The following UNC5B variants were observed in gnomAD, a reference collection of about 807,000 sequenced individuals.
UNC5B encodes the protein unc-5 netrin receptor B, also known as netrin receptor UNC5B.
In UNC5B, 56 loss-of-function variants were observed where a neutral mutation model predicts 103.7. The ratio of observed to expected loss-of-function variants is 0.54; its 90% CI spans 0.44 to 0.67. The LOEUF (loss-of-function observed/expected upper bound fraction) is 0.67. UNC5B is among the 30% of genes least tolerant of loss of function. UNC5B has a pLI of 0.00. For missense variants in UNC5B, 1,194 were observed against 1,284.5 expected (o/e 0.93, Z 1.08); for synonymous variants, 577 against 542.0 (o/e 1.06, Z -0.90).
At chr10:71,225,272 G>T (rs1843539328) in intron 1 of UNC5B, among the ~76,000 whole-genome samples, 1 of 152,220 alleles carries the variant, frequency 6.6e-6, no homozygotes, top group Non-Finnish European at 1.5e-5. Context: ...AACCCACGGG[G>T]GTCGCTGATC....
At chr10:71,262,324 G>A (rs955870056) in intron 1 of UNC5B, among the ~76,000 whole-genome samples, 3 of 151,906 alleles carry the variant, frequency 2.0e-5, no homozygotes, top group African/African-American at 7.3e-5. Context: ...TGGGTTGGGG[G>A]AGGGAGACCA....
intron 2 of UNC5B, among the ~76,000 whole-genome samples, chr10:71,281,252 A>G (rs1306759411): frequency 6.6e-6 from 1 of 152,246 alleles, no homozygotes; most frequent in Non-Finnish European, 1.5e-5. Context: ...TAAGTTTTAT[A>G]GAATGTGTAT....
intron 1 of UNC5B, among the ~76,000 whole-genome samples, chr10:71,249,426 G>A (rs1015188085): frequency 1.3e-5 from 2 of 152,222 alleles, no homozygotes; most frequent in Admixed American, 6.5e-5. Context: ...CAGGGGGTGG[G>A]GACAAAAGTG....
chr10:71,247,341 A>C (rs889855466), intron 1 of UNC5B, among the ~76,000 whole-genome samples: 7 of 152,188 alleles, frequency 4.6e-5, no homozygotes, highest in African/African-American at 1.7e-4. Flanking sequence ...TGCCATTGGC[A>C]CTGGGTGTAC....
At chr10:71,237,844 C>G (rs911564167) in intron 1 of UNC5B, among the ~76,000 whole-genome samples, 1 of 152,196 alleles carries the variant, frequency 6.6e-6, no homozygotes, top group Admixed American at 6.5e-5. Context: ...AAAACCTCAG[C>G]CAGTCCATTT....
intron 2 of UNC5B, among the ~76,000 whole-genome samples, chr10:71,280,575 A>G (rs953235892): frequency 6.6e-6 from 1 of 152,226 alleles, no homozygotes; most frequent in African/African-American, 2.4e-5. Flanking sequence ...ATGTAGACCA[A>G]ATCTGGAGGG....
At chr10:71,295,471 T>C (rs564743558) in intron 13 of UNC5B, among the ~76,000 whole-genome samples, 5 of 152,338 alleles carry the variant, frequency 3.3e-5, no homozygotes, top group African/African-American at 1.2e-4. Context: ...TTATCTTTTC[T>C]TCCATCTTTC....
In UNC5B at chr10:71,287,884, G is replaced by A. The variant is rs796900401; in HGVS notation, c.901+119G>A. On this transcript the variant is annotated intron_variant, in intron 6 of 16. Coordinates refer to ENST00000335350, the MANE Select transcript of UNC5B (RefSeq NM_170744.5). The stretch of plus-strand genomic sequence containing the variant: ...ATGGGGAGCAGAAGGTGCTTGTCCC[G>A]AGCCCACAGCCGGCTGCCCAGGCTG... 18 of 1,374,238 alleles carry A rather than the reference G, an allele frequency of 1.3e-5. 1 individual carries two copies. Among genetic ancestry groups the A allele is most frequent in the Middle Eastern group, 1.9e-4 (1 of 5,338 alleles). 85.1% of individuals were successfully genotyped at this position (1,374,238 alleles called of 1,614,324 possible).
chr10:71,253,345 C>T (rs982889074), intron 1 of UNC5B, among the ~76,000 whole-genome samples: 13 of 152,348 alleles, frequency 8.5e-5, no homozygotes, highest in African/African-American at 2.9e-4. Context: ...AGACAGTACC[C>T]GAGTTTGGGT....
intron 14 of UNC5B, among the ~76,000 whole-genome samples, 166 bp from the exon 15 acceptor site, chr10:71,296,412 C>A (rs1234291965): frequency 6.6e-6 from 1 of 152,144 alleles, no homozygotes; most frequent in African/African-American, 2.4e-5. Flanking sequence ...GAACTGAGGG[C>A]CTGACACCAA....
intron 1 of UNC5B, among the ~76,000 whole-genome samples, chr10:71,237,408 C>T (rs994424918): frequency 6.6e-6 from 1 of 152,164 alleles, no homozygotes; most frequent in African/African-American, 2.4e-5. Flanking sequence ...GAGAGAGAGC[C>T]GTCTCACTCA....
intron 2 of UNC5B, 69 bp from the exon 3 acceptor site, chr10:71,284,651 C>G (rs964209496): frequency 1.1e-5 from 18 of 1,599,756 alleles, no homozygotes; most frequent in Non-Finnish European, 1.4e-5. Flanking sequence ...GGTGGAAGGC[C>G]GGGGGTGTCC....
intron 5 of UNC5B, 102 bp downstream of exon 5, chr10:71,286,971 A>G: frequency 6.9e-7 from 1 of 1,456,382 alleles, no homozygotes; most frequent in Non-Finnish European, 9.2e-7. Context: ...GATGCAGCCC[A>G]GAGAGGGGAA....
At chr10:71,253,555 G>C (rs1844223873) in intron 1 of UNC5B, among the ~76,000 whole-genome samples, 1 of 152,232 alleles carries the variant, frequency 6.6e-6, no homozygotes, top group East Asian at 1.9e-4. Flanking sequence ...CAGTGGGGGT[G>C]GGGTGTATGT....
At chr10:71,243,445 C>A (rs943331957) in intron 1 of UNC5B, among the ~76,000 whole-genome samples, 4 of 152,140 alleles carry the variant, frequency 2.6e-5, no homozygotes, top group African/African-American at 9.7e-5. Flanking sequence ...GGCTATTGAG[C>A]ACTGGAAATA....
At chr10:71,262,258 A>C (rs1281914623) in intron 1 of UNC5B, among the ~76,000 whole-genome samples, 1 of 151,952 alleles carries the variant, frequency 6.6e-6, no homozygotes, top group Non-Finnish European at 1.5e-5. Context: ...ACACCCCCTC[A>C]TTACCGGAGC....
chr10:71,286,586 C>A, intron 4 of UNC5B, 103 bp from the exon 5 acceptor site: 3 of 1,438,872 alleles, frequency 2.1e-6, no homozygotes, highest in Non-Finnish European at 2.9e-6. Flanking sequence ...GGCCCTGCCT[C>A]ACTGCCACGA....
At chr10:71,257,440 C>A (rs1844316655) in intron 1 of UNC5B, among the ~76,000 whole-genome samples, 1 of 152,248 alleles carries the variant, frequency 6.6e-6, no homozygotes, top group African/African-American at 2.4e-5. Context: ...CCCCTCCAGG[C>A]CCACCCAGGC....
Position 71,222,492 on chromosome 10 carries a change from A to G in UNC5B, c.79+9428A>G, listed in dbSNP as rs529192344. On this transcript the variant is annotated intron_variant, in intron 1 of 16. Transcript: ENST00000335350. ...CAGAGTGGGTGCTCTGTGGATTTCC[A>G]TTGCCTTCCCTTCTCTTCCTGCCCC... 7.0e-3 allele frequency among the ~76,000 whole-genome samples: 1,031 copies of G among 146,898 alleles called. 6 individuals are homozygous for G. The highest frequency in any genetic ancestry group is 0.011 in the Non-Finnish European group (735 of 66,724).
Sources: gnomAD v4.1 joint callset for allele counts (sites outside exome capture counted in the v4.1 genomes callset) on GRCh38, gnomAD v4.1.1 for gene constraint, MANE v1.5 for transcripts, NCBI Gene and HGNC (gene_info 2026-07-23, HGNC 2026-07-21) for gene names.